Variants in ARHGAP24 observed in about 807,000 individuals in gnomAD.
ARHGAP24 encodes Rho GTPase activating protein 24, also known as rho GTPase-activating protein 24.
ARHGAP24 carries 50 observed loss-of-function variants against 76.4 expected under a neutral mutation model. The ratio of observed to expected loss-of-function variants is 0.65; its 90% CI spans 0.52 to 0.83. The LOEUF is 0.83. Ranked by LOEUF, ARHGAP24 falls within the 40% of genes least tolerant of loss-of-function variation. The pLI is 0.00. For missense variants in ARHGAP24, 930 were observed against 914.2 expected (o/e 1.02, Z -0.22); for synonymous variants, 345 against 323.3 (o/e 1.07, Z -0.72).
chr4:85,604,538 A>G (rs898384435), intron 2 of ARHGAP24, among the ~76,000 whole-genome samples: 1 of 152,186 alleles, frequency 6.6e-6, no homozygotes, highest in Admixed American at 6.5e-5. Context: ...AATAAGGAAA[A>G]ATGTTCATGA....
chr4:85,481,351 G>A (rs1361986726), intron 1 of ARHGAP24, among the ~76,000 whole-genome samples: 1 of 152,152 alleles, frequency 6.6e-6, no homozygotes, highest in Non-Finnish European at 1.5e-5. Context: ...TCCTCTCAGT[G>A]CTTTTCAATT....
chr4:85,582,766 C>A (rs1361715762), intron 2 of ARHGAP24, among the ~76,000 whole-genome samples: 2 of 152,062 alleles, frequency 1.3e-5, no homozygotes, highest in African/African-American at 4.8e-5. Context: ...ATTTATGGAT[C>A]TCAGGTAATG....
At chr4:85,691,775 G>A (rs968928838) in intron 2 of ARHGAP24, among the ~76,000 whole-genome samples, 1 of 152,164 alleles carries the variant, frequency 6.6e-6, no homozygotes, top group African/African-American at 2.4e-5. Flanking sequence ...ATGGTTGGGT[G>A]TTACCTTTTT....
chr4:85,666,915 A>G (rs996368801), intron 2 of ARHGAP24, among the ~76,000 whole-genome samples: 13 of 151,992 alleles, frequency 8.6e-5, no homozygotes, highest in Admixed American at 3.3e-4. Flanking sequence ...ACTGGGGGGT[A>G]CCTCCCAGTT....
chr4:85,940,078 A>G (rs916262419), intron 4 of ARHGAP24, among the ~76,000 whole-genome samples: 8 of 152,186 alleles, frequency 5.3e-5, no homozygotes, highest in Non-Finnish European at 7.3e-5. Context: ...AGAAAGGGTC[A>G]ATATTCTCCA....
At chr4:85,816,604 C>T (rs1729249766) in intron 3 of ARHGAP24, among the ~76,000 whole-genome samples, 2 of 152,062 alleles carry the variant, frequency 1.3e-5, no homozygotes, top group African/African-American at 4.8e-5. Context: ...AAAATTAAAG[C>T]AAATAACTAT....
At chr4:85,706,227 T>G (rs1008167638) in intron 2 of ARHGAP24, among the ~76,000 whole-genome samples, 1 of 152,194 alleles carries the variant, frequency 6.6e-6, no homozygotes, top group African/African-American at 2.4e-5. Context: ...TTTTTTTTGA[T>G]GGACCTCCAA....
chr4:85,628,408 A>G (rs1721043922), intron 2 of ARHGAP24, among the ~76,000 whole-genome samples: 1 of 152,128 alleles, frequency 6.6e-6, no homozygotes, highest in Non-Finnish European at 1.5e-5. Context: ...AATATATTCT[A>G]TTGTGGATAA....
chr4:85,816,235 G>A (rs1385836120), intron 3 of ARHGAP24, among the ~76,000 whole-genome samples: 2 of 152,170 alleles, frequency 1.3e-5, no homozygotes, highest in African/African-American at 4.8e-5. Context: ...TCATCATGCT[G>A]TACATTAGGT....
chr4:85,650,279 A>G (rs1204094750), intron 2 of ARHGAP24, among the ~76,000 whole-genome samples: 2 of 149,796 alleles, frequency 1.3e-5, no homozygotes, highest in East Asian at 3.9e-4. Flanking sequence ...AAAAAAGTCC[A>G]ACAATTTTTC....
chr4:85,992,094 C>T (rs1740366333), intron 8 of ARHGAP24: 1 of 397,322 alleles, frequency 2.5e-6, no homozygotes, highest in African/African-American at 2.1e-5. Context: ...TGCTTGGACT[C>T]TTCAGAATGG....
chr4:85,993,927 T>C (rs1233999598), intron 8 of ARHGAP24, among the ~76,000 whole-genome samples: 1 of 152,236 alleles, frequency 6.6e-6, no homozygotes, highest in Non-Finnish European at 1.5e-5. Context: ...TGGAGATTTT[T>C]GCTAGTTGCT....
rs563321319 is a variant in ARHGAP24 at position 85,945,253 on chromosome 4, A to G, written c.599+2980A>G. On this transcript the variant is annotated intron_variant, in intron 5 of 9. Transcript: ENST00000395184. ...CACCTCACTGGTTCAAGCCATTCTCATGCCTCAGCCTCCCGAGTAGCTGGG... is the reference window on the plus strand; with the variant it reads ...CACCTCACTGGTTCAAGCCATTCTCGTGCCTCAGCCTCCCGAGTAGCTGGG... 2.6e-3 allele frequency among the ~76,000 whole-genome samples: 388 copies of G among 148,490 alleles called. 1 individual carries two copies. The highest frequency in any genetic ancestry group is 8.8e-3 in the African/African-American group (358 of 40,456).
Position 85,922,996 on chromosome 4 carries a change from G to T in ARHGAP24, c.269-652G>T, listed in dbSNP as rs542080670. Reference sequence around the variant, plus strand: ...TTTCCTCAAGCTCACCCTTAGGTGCGAGAGCCATTGGGGGTGTTGATCTGG... The same window carrying T: ...TTTCCTCAAGCTCACCCTTAGGTGCTAGAGCCATTGGGGGTGTTGATCTGG... On this transcript the variant is annotated intron_variant, in intron 3 of 9. Coordinates refer to ENST00000395184, the MANE Select transcript of ARHGAP24 (RefSeq NM_001025616.3). 3.9e-5 allele frequency among the ~76,000 whole-genome samples: 6 copies of T among 152,268 alleles called. No individual in the cohort carries two copies. The South Asian group carries it at 1.2e-3, about 32-fold the overall frequency.
intron 3 of ARHGAP24, among the ~76,000 whole-genome samples, chr4:85,797,603 A>G (rs1230724787): frequency 2.6e-5 from 4 of 152,216 alleles, no homozygotes; most frequent in Admixed American, 1.3e-4. Flanking sequence ...TCCATTTCTC[A>G]GCATTGCTTT....
chr4:85,674,599 A>G (rs889978618), intron 2 of ARHGAP24, among the ~76,000 whole-genome samples: 4 of 152,168 alleles, frequency 2.6e-5, no homozygotes, highest in African/African-American at 9.7e-5. Flanking sequence ...AAGCAGAGAT[A>G]TGGCAAGGAT....
intron 2 of ARHGAP24, among the ~76,000 whole-genome samples, chr4:85,652,800 C>T (rs1721994127): frequency 6.6e-6 from 1 of 152,118 alleles, no homozygotes; most frequent in Non-Finnish European, 1.5e-5. Flanking sequence ...AATTGTTACA[C>T]TAGCAGCCAG....
intron 1 of ARHGAP24, among the ~76,000 whole-genome samples, chr4:85,508,977 C>T (rs1051959197): frequency 6.6e-6 from 1 of 152,022 alleles, no homozygotes; most frequent in African/African-American, 2.4e-5. Flanking sequence ...TGAAGCCTTC[C>T]CTCAGTCTGT....
chr4:85,494,009 T>C (rs1723459931), intron 1 of ARHGAP24, among the ~76,000 whole-genome samples: 1 of 152,214 alleles, frequency 6.6e-6, no homozygotes, highest in African/African-American at 2.4e-5. Flanking sequence ...AGGAAAACTA[T>C]GGTGACTTCA....
Sources: allele counts gnomAD v4.1 joint callset (sites outside exome capture counted in the v4.1 genomes callset), GRCh38; gene constraint gnomAD v4.1.1; transcripts MANE v1.5; gene names NCBI Gene and HGNC (gene_info 2026-07-23, HGNC 2026-07-21).